TMEM177: variants seen among roughly 807,000 people sequenced by gnomAD.
TMEM177 encodes transmembrane protein 177.
TMEM177 carries 4 observed loss-of-function variants against 14.2 expected under a neutral mutation model. The observed-to-expected ratio is 0.28, with a 90% CI of 0.14 to 0.64. TMEM177 has a LOEUF of 0.64. TMEM177 is among the 30% of genes least tolerant of loss of function. The probability of loss-of-function intolerance (pLI) is 0.82; values close to 1 mark genes in which losing one functional copy is unlikely to be tolerated. For missense variants in TMEM177, 344 were observed against 405.2 expected (o/e 0.85, Z 1.30); for synonymous variants, 179 against 174.5 (o/e 1.03, Z -0.20).
chr2:119,703,429 G>T, the TMEM177 span, among the ~76,000 whole-genome samples: 2 of 152,174 alleles, frequency 1.3e-5, no homozygotes, highest in Non-Finnish European at 1.5e-5. Context: ...TATGGGCAAA[G>T]ATGCCCATCA....
At chr2:119,700,465 A>G in the TMEM177 span, among the ~76,000 whole-genome samples, 4 of 152,154 alleles carry the variant, frequency 2.6e-5, no homozygotes, top group Non-Finnish European at 5.9e-5. Context: ...TCCATACGCC[A>G]AACAGGTACT....
At chr2:119,697,480 C>T in the TMEM177 span, among the ~76,000 whole-genome samples, 3 of 152,150 alleles carry the variant, frequency 2.0e-5, no homozygotes, top group Non-Finnish European at 4.4e-5. Context: ...ACCTAGGAGG[C>T]GGAGGTCACA....
chr2:119,707,834 T>C, the TMEM177 span, among the ~76,000 whole-genome samples: 1 of 152,218 alleles, frequency 6.6e-6, no homozygotes, highest in South Asian at 2.1e-4. Context: ...TCCATTTTGG[T>C]TGGAGATGGG....
chr2:119,704,884 G>A, the TMEM177 span, among the ~76,000 whole-genome samples: 261 of 152,290 alleles, frequency 1.7e-3, 1 homozygote, highest in African/African-American at 6.0e-3. Context: ...TCAACATATG[G>A]AAAGCATCTG....
chr2:119,693,942 GCCACACACACATGCAACATA>G, the TMEM177 span, among the ~76,000 whole-genome samples: 1 of 6,932 alleles, frequency 1.4e-4, no homozygotes, highest in African/African-American at 5.9e-4. Flanking sequence ...CATCACACAA[GCCACACACACATGCAACATA>G]CCACACACAA....
At chr2:119,691,021 C>G (rs1689086596), downstream of TMEM177, among the ~76,000 whole-genome samples, 1 of 152,220 alleles carries the variant, frequency 6.6e-6, no homozygotes, top group Admixed American at 6.5e-5. Context: ...GGTTCCATAG[C>G]TGTGAGCAGC....
chr2:119,696,381 C>T, the TMEM177 span, among the ~76,000 whole-genome samples: 1 of 152,124 alleles, frequency 6.6e-6, no homozygotes, highest in Non-Finnish European at 1.5e-5. Flanking sequence ...TCATGGTGAC[C>T]ACGGTGTGGG....
chr2:119,685,290 G>A (rs1231115175), downstream of TMEM177, among the ~76,000 whole-genome samples: 3 of 139,022 alleles, frequency 2.2e-5, no homozygotes, highest in Non-Finnish European at 4.5e-5. Flanking sequence ...AGAATACAGG[G>A]AGGGGAGTCT....
downstream of TMEM177, among the ~76,000 whole-genome samples, chr2:119,686,830 A>G (rs1315472376): frequency 6.6e-6 from 1 of 152,072 alleles, no homozygotes; most frequent in Non-Finnish European, 1.5e-5. Flanking sequence ...AGCCTCCCAA[A>G]GTGCTGGGAT....
At chr2:119,709,509 C>A in the TMEM177 span, among the ~76,000 whole-genome samples, 1 of 152,108 alleles carries the variant, frequency 6.6e-6, no homozygotes, top group Non-Finnish European at 1.5e-5. Flanking sequence ...GATCCTATAT[C>A]TACAAAAAAT....
At chr2:119,723,001 T>C in the TMEM177 span, among the ~76,000 whole-genome samples, 2 of 152,246 alleles carry the variant, frequency 1.3e-5, no homozygotes, top group South Asian at 4.1e-4. Context: ...ACTACACATC[T>C]ATGCTCCTCT....
the TMEM177 span, among the ~76,000 whole-genome samples, chr2:119,705,537 T>C: frequency 2.6e-5 from 4 of 152,152 alleles, no homozygotes; most frequent in Non-Finnish European, 5.9e-5. Flanking sequence ...TTCCTTGTTA[T>C]GTGGCATTCT....
At position 119,681,615 on chromosome 2, in the gene TMEM177, G is replaced by T. The variant is rs1423323288; in HGVS notation, c.762G>T (p.Leu254=). The T allele has an allele frequency of 1.2e-6, 2 of 1,614,260 alleles. No individual in the cohort carries two copies. The highest frequency in any genetic ancestry group is 2.2e-5 in the East Asian group (1 of 44,878). ...CGGVEFYEKL[L]SGNLALRSLL... ...GAGTGGAGTTCTATGAGAAGCTTCTGTCGGGCAACCTGGCCCTGCGCAGTC... is the reference window on the plus strand; with the variant it reads ...GAGTGGAGTTCTATGAGAAGCTTCTTTCGGGCAACCTGGCCCTGCGCAGTC... Residue 254 remains leucine (L), a synonymous_variant, in exon 2 of 2, where the codon CTG becomes CTT. Coordinates refer to ENST00000272521, the MANE Select transcript of TMEM177 (RefSeq NM_030577.3).
chr2:119,686,838 GATT>G (rs1227318298), downstream of TMEM177, among the ~76,000 whole-genome samples: 1 of 152,096 alleles, frequency 6.6e-6, no homozygotes. Context: ...AAAGTGCTGG[GATT>G]ACAGGCGTGA....
chr2:119,702,877 T>G, the TMEM177 span, among the ~76,000 whole-genome samples: 1 of 152,232 alleles, frequency 6.6e-6, no homozygotes, highest in Non-Finnish European at 1.5e-5. Context: ...ATGTCATCCC[T>G]TGGATGCTCA....
chr2:119,708,644 G>C, the TMEM177 span, among the ~76,000 whole-genome samples: 2 of 146,734 alleles, frequency 1.4e-5, no homozygotes, highest in African/African-American at 2.5e-5. Flanking sequence ...ATCACACGCA[G>C]ACACACACAC....
chr2:119,718,105 C>A, the TMEM177 span, among the ~76,000 whole-genome samples: 1 of 152,088 alleles, frequency 6.6e-6, no homozygotes, highest in African/African-American at 2.4e-5. Flanking sequence ...GAATCAGAAG[C>A]AGAATTTTTA....
chr2:119,721,935 T>G, the TMEM177 span, among the ~76,000 whole-genome samples: 1 of 152,170 alleles, frequency 6.6e-6, no homozygotes, highest in Non-Finnish European at 1.5e-5. Context: ...TAAGCCCAGA[T>G]TCTTAAACCA....
At chr2:119,685,933 C>G (rs948477135), downstream of TMEM177, 2 of 541,062 alleles carry the variant, frequency 3.7e-6, no homozygotes, top group Admixed American at 6.7e-5. Flanking sequence ...GAGGAGACCC[C>G]TCCAGCTAAC....
Sources: gnomAD v4.1 joint callset for allele counts (sites outside exome capture counted in the v4.1 genomes callset) on GRCh38, gnomAD v4.1.1 for gene constraint, MANE v1.5 for transcripts, NCBI Gene and HGNC (gene_info 2026-07-23, HGNC 2026-07-21) for gene names.